Variants in EBF3 observed in about 807,000 individuals in gnomAD.
EBF3 encodes the protein transcription factor COE3.
In EBF3, 18 loss-of-function variants were observed where a neutral mutation model predicts 77.1. The ratio of observed to expected loss-of-function variants is 0.23; its 90% CI spans 0.16 to 0.35. EBF3 has a LOEUF of 0.35. Among genes scored for constraint, EBF3 ranks in the 10% least tolerant of loss-of-function variants. The probability of loss-of-function intolerance (pLI) is 1.00; values close to 1 mark genes in which losing one functional copy is unlikely to be tolerated. For missense variants in EBF3, 558 were observed against 860.0 expected, an observed-to-expected ratio of 0.65 and a Z score of 4.39; for synonymous variants, 350 against 343.5, an observed-to-expected ratio of 1.02 and a Z score of -0.21.
chr10:129,959,212 A>T (rs1859283600), intron 4 of EBF3, among the ~76,000 whole-genome samples: 1 of 151,892 alleles, frequency 6.6e-6, no homozygotes, highest in Non-Finnish European at 1.5e-5. Context: ...CCTGCCTCCC[A>T]GCCTCCTCCC....
Position 129,842,397 on chromosome 10 carries a change from G to T in EBF3, c.1195-104C>A. On this transcript the variant is annotated intron_variant, in intron 12 of 16. Transcript: ENST00000440978. This position sits in a 1 kb window ranked among gnomAD's most constrained non-coding sequence, Gnocchi z 4.4. ...GTGGCATCCCACTGTCCCTTGCCCAGACCATGACCAAATCTATTTCTTAAT... is the reference window on the plus strand; with the variant it reads ...GTGGCATCCCACTGTCCCTTGCCCATACCATGACCAAATCTATTTCTTAAT... 1.5e-6 allele frequency: 2 copies of T among 1,300,172 alleles called. No individual in the cohort carries two copies. Among genetic ancestry groups the T allele is most frequent in the Non-Finnish European group, 2.1e-6 (2 of 961,156 alleles). The allele number at this position is 1,300,172 out of a possible 1,614,324, so 80.5% of individuals were successfully genotyped here.
At chr10:129,893,030 G>A (rs980482240) in intron 6 of EBF3, among the ~76,000 whole-genome samples, 1 of 152,236 alleles carries the variant, frequency 6.6e-6, no homozygotes, top group African/African-American at 2.4e-5. Context: ...AGAGCAGGGC[G>A]CTGGGCCCTC....
At chr10:129,889,551 C>A (rs1466202169) in intron 6 of EBF3, among the ~76,000 whole-genome samples, 1 of 152,208 alleles carries the variant, frequency 6.6e-6, no homozygotes, top group Non-Finnish European at 1.5e-5. Context: ...CCTGCACCCC[C>A]CACCCGCTAA....
intron 6 of EBF3, among the ~76,000 whole-genome samples, chr10:129,884,039 A>C (rs1186871029): frequency 6.6e-6 from 1 of 152,184 alleles, no homozygotes; most frequent in Non-Finnish European, 1.5e-5. Flanking sequence ...TATTGAAATG[A>C]AATAGTTAAG....
rs1326113409 is a variant in EBF3 at position 129,867,842 on chromosome 10, A to G, written c.852T>C (p.Ile284=). The change falls in exon 9 of 17, where the codon ATT becomes ATC. Residue 284 remains isoleucine, a synonymous_variant. Coordinates refer to ENST00000440978, the MANE Select transcript of EBF3 (RefSeq NM_001375380.1). Reference sequence around the variant, plus strand: ...GCAGCCCGTCAAAGAAGTTGTCGCCAATTATGATGACGGTGGCACCCCCCG... The same window carrying G: ...GCAGCCCGTCAAAGAAGTTGTCGCCGATTATGATGACGGTGGCACCCCCCG... ...WTTGGATVII[I]GDNFFDGLQV... The G allele has an allele frequency of 1.2e-6, 2 of 1,614,148 alleles. No individual in the cohort carries two copies. The highest frequency in any genetic ancestry group is 1.7e-6 in the Non-Finnish European group (2 of 1,180,058).
intron 10 of EBF3, among the ~76,000 whole-genome samples, chr10:129,854,056 T>C (rs1851077001): frequency 6.6e-6 from 1 of 152,082 alleles, no homozygotes; most frequent in East Asian, 1.9e-4. Flanking sequence ...AATTGATATT[T>C]AGCTCCCCCC....
chr10:129,896,898 C>T (rs1020454740), intron 6 of EBF3, among the ~76,000 whole-genome samples: 2 of 152,194 alleles, frequency 1.3e-5, no homozygotes, highest in Admixed American at 6.5e-5. Flanking sequence ...GAAGCCTGCC[C>T]ACGCCGCCAC....
chr10:129,953,697 C>G (rs562792817), intron 6 of EBF3, among the ~76,000 whole-genome samples: 1 of 152,346 alleles, frequency 6.6e-6, no homozygotes, highest in African/African-American at 2.4e-5. Context: ...CTGCTCCCAC[C>G]ACCCCTACAG....
chr10:129,846,400 T>C (rs1312404676), intron 11 of EBF3, among the ~76,000 whole-genome samples: 1 of 151,958 alleles, frequency 6.6e-6, no homozygotes, highest in Non-Finnish European at 1.5e-5. Context: ...TATTATCAAC[T>C]GCGGGGTGAC....
chr10:129,868,025 C>T, intron 8 of EBF3, 113 bp from the exon 9 acceptor site: 1 of 1,453,382 alleles, frequency 6.9e-7, no homozygotes, highest in East Asian at 2.3e-5. Context: ...CGCGCCGTTC[C>T]TCCAGGCGGC....
At chr10:129,936,004 G>C (rs1237223348) in intron 6 of EBF3, among the ~76,000 whole-genome samples, 1 of 152,192 alleles carries the variant, frequency 6.6e-6, no homozygotes, top group Non-Finnish European at 1.5e-5. Flanking sequence ...AATGCAGCTG[G>C]TGCCCAGGGC....
rs879274480 is a variant in EBF3, at chr10:129,935,986, C to A, written c.554+21272G>T. ...GGGGGCTTCCTGAAGCTGCCCCCCC[C>A]GCCCAACAATGCAGCTGGTGCCCAG... On this transcript the variant is annotated intron_variant, in intron 6 of 16. Transcript: ENST00000440978. The surrounding 1 kb of genome is among the most constrained non-coding windows in gnomAD (Gnocchi z 4.2). Among the ~76,000 whole-genome samples, 8 of 137,968 alleles carry A rather than the reference C, an allele frequency of 5.8e-5. No homozygotes were observed. Among genetic ancestry groups the A allele is most frequent in the Non-Finnish European group, 8.9e-5 (6 of 67,080 alleles). The allele number at this position is 137,968 out of a possible 152,430, so 90.5% of individuals were successfully genotyped here.
In EBF3 at chr10:129,840,327, C is replaced by G; in HGVS notation, c.1677G>C (p.Gln559His). The change falls in exon 15 of 17, where the codon CAG becomes CAC. Residue 559 changes from glutamine (Q) to histidine (H), a missense_variant. Around this residue, in one of 5 missense-constraint regions of EBF3, gnomAD observed 284 missense variants for 368.3 expected, o/e 0.77. Coordinates refer to ENST00000440978, the MANE Select transcript of EBF3 (RefSeq NM_001375380.1). ...SPANVISAVK[Q>H]KSAFAPVVRP... ...GGACCACGGGCGCGAAGGCGCTCTT[C>G]TGTTTCACTGCGGAGATGACATTGG... 6.3e-7 allele frequency: 1 copy of G among 1,587,908 alleles called. No individual in the cohort carries two copies. The highest frequency in any genetic ancestry group is 8.6e-7 in the Non-Finnish European group (1 of 1,166,904).
chr10:129,963,847 G>A lies in EBF3; in HGVS notation c.-79C>T, dbSNP rs1859733088. On this transcript the variant is annotated 5_prime_UTR_variant, in exon 1 of 17. Coordinates refer to ENST00000440978, the MANE Select transcript of EBF3 (RefSeq NM_001375380.1). This position sits in a 1 kb window ranked among gnomAD's most constrained non-coding sequence, Gnocchi z 7.1. ...CGGCGCTCGGGGCTTGGCGGCAGGCGGCTGCCCTGGCCGCCCTCGCCCTGC... is the reference window on the plus strand; with the variant it reads ...CGGCGCTCGGGGCTTGGCGGCAGGCAGCTGCCCTGGCCGCCCTCGCCCTGC... 3 of 1,422,486 alleles carry A rather than the reference G, an allele frequency of 2.1e-6. No homozygotes were observed. The highest frequency in any genetic ancestry group is 3.6e-5 in the East Asian group (1 of 27,926). The allele number at this position is 1,422,486 out of a possible 1,614,324, so 88.1% of individuals were successfully genotyped here.
At position 129,911,714 on chromosome 10, in the gene EBF3, T is replaced by A. The variant is rs574762473; in HGVS notation, c.555-33865A>T. ...AGAACCGTGTATGCCAAAGCACTGC[T>A]ATGGAAAACAGCATGAATGAGATCT... On this transcript the variant is annotated intron_variant, in intron 6 of 16. Transcript: ENST00000440978. 3.9e-5 allele frequency among the ~76,000 whole-genome samples: 6 copies of A among 152,206 alleles called. No homozygotes were observed. The South Asian group carries it at 8.3e-4, about 21-fold the overall frequency.
intron 3 of EBF3, among the ~76,000 whole-genome samples, chr10:129,962,720 C>T (rs1365998890): frequency 2.0e-5 from 3 of 152,144 alleles, no homozygotes; most frequent in Admixed American, 6.5e-5. Flanking sequence ...TGCTGGAGCC[C>T]GTATCGATCT....
chr10:129,884,894 C>G (rs1322637761), intron 6 of EBF3, among the ~76,000 whole-genome samples: 1 of 152,194 alleles, frequency 6.6e-6, no homozygotes, highest in Non-Finnish European at 1.5e-5. Flanking sequence ...ATTTTACTTC[C>G]CTCCGCTGTA....
intron 6 of EBF3, among the ~76,000 whole-genome samples, chr10:129,936,260 GC>G (rs894580208): frequency 1.3e-5 from 2 of 152,152 alleles, no homozygotes; most frequent in Non-Finnish European, 2.9e-5. Flanking sequence ...AGGTCCCCTG[GC>G]TTCTACCAGG....
At position 129,885,650 on chromosome 10, in the gene EBF3, A is replaced by G. The variant is rs1183152678; in HGVS notation, c.555-7801T>C. On this transcript the variant is annotated intron_variant, in intron 6 of 16. Transcript: ENST00000440978. This position sits in a 1 kb window ranked among gnomAD's most constrained non-coding sequence, Gnocchi z 4.0. Reference sequence around the variant, plus strand: ...ACTGACATTATTTCCCCAGCAGATCACGCGCCCTGTCAATCAGTCTGTATT... The same window carrying G: ...ACTGACATTATTTCCCCAGCAGATCGCGCGCCCTGTCAATCAGTCTGTATT... 6.6e-6 allele frequency among the ~76,000 whole-genome samples: 1 copy of G among 152,122 alleles called. No homozygotes were observed. Among genetic ancestry groups the G allele is most frequent in the Non-Finnish European group, 1.5e-5 (1 of 68,024 alleles).
Sources: allele counts gnomAD v4.1 joint callset (sites outside exome capture counted in the v4.1 genomes callset), GRCh38; gene constraint gnomAD v4.1.1; regional missense constraint gnomAD v4.1.1; non-coding constraint Gnocchi (gnomAD v3.1); transcripts MANE v1.5; gene names NCBI Gene and HGNC (gene_info 2026-07-23, HGNC 2026-07-21).